The following SULF1 variants were observed in gnomAD, a reference collection of about 807,000 sequenced individuals.
The protein encoded by SULF1 is sulfatase 1.
In SULF1, 46 loss-of-function variants were observed where a neutral mutation model predicts 110.5. That is an observed-to-expected ratio of 0.42 (90% confidence interval 0.33 to 0.53). The LOEUF is 0.53. Ranked by LOEUF, SULF1 falls within the 20% of genes least tolerant of loss-of-function variation. The pLI is 0.12. For synonymous variants in SULF1, 371 were observed against 387.1 expected (o/e 0.96, Z 0.49); for missense variants, 941 against 1,094.2 (o/e 0.86, Z 1.98).
intron 2 of SULF1, among the ~76,000 whole-genome samples, chr8:69,499,626 A>T (rs1810649288): frequency 6.6e-6 from 1 of 152,222 alleles, no homozygotes; most frequent in African/African-American, 2.4e-5. Flanking sequence ...ACAAACCTTC[A>T]TACAACACAG....
At chr8:69,589,773 G>T (rs1168917830) in intron 8 of SULF1, among the ~76,000 whole-genome samples, 2 of 152,112 alleles carry the variant, frequency 1.3e-5, no homozygotes, top group African/African-American at 4.8e-5. Context: ...GAGCTGTCGT[G>T]TGCCCACAAT....
chr8:69,468,877 A>C (rs1440651775), intron 1 of SULF1, among the ~76,000 whole-genome samples: 2 of 152,230 alleles, frequency 1.3e-5, no homozygotes, highest in African/African-American at 4.8e-5. Context: ...GCTATTTAGC[A>C]ACAGGTGCCC....
intron 3 of SULF1, among the ~76,000 whole-genome samples, chr8:69,545,811 C>T (rs372865487): frequency 1.3e-5 from 2 of 152,254 alleles, no homozygotes; most frequent in East Asian, 3.9e-4. Flanking sequence ...ATTCTCCTGC[C>T]GCAGTCCACG....
chr8:69,603,138 G>A (rs757550047), intron 10 of SULF1, 54 bp from the exon 11 acceptor site: 196 of 1,608,698 alleles, frequency 1.2e-4, no homozygotes, highest in Non-Finnish European at 1.5e-4. Context: ...GCAGCCCTAA[G>A]TGCCACCTTC....
chr8:69,638,542 C>T lies in SULF1; in HGVS notation c.2325C>T (p.Thr775=). ...CTTGCACGAGTTCTAACAATAACAC[C>T]TACTGGTGTTTGCGTACAGTTAATG... ...FCACTSSNNN[T]YWCLRTVNET... Residue 775 remains threonine, a synonymous_variant, in exon 20 of 23, where the codon ACC becomes ACT. Transcript: ENST00000402687. The T allele has an allele frequency of 6.2e-7, 1 of 1,613,878 alleles. No homozygotes were observed. Among genetic ancestry groups the T allele is most frequent in the Non-Finnish European group, 8.5e-7 (1 of 1,179,974 alleles).
chr8:69,636,516 G>C (rs1043896939), intron 19 of SULF1, among the ~76,000 whole-genome samples: 1 of 151,244 alleles, frequency 6.6e-6, no homozygotes, highest in Admixed American at 6.6e-5. Context: ...CAGCCTGGGC[G>C]ACAGAGCGAT....
At chr8:69,474,276 G>A (rs1407331886) in intron 1 of SULF1, among the ~76,000 whole-genome samples, 1 of 152,178 alleles carries the variant, frequency 6.6e-6, no homozygotes, top group Non-Finnish European at 1.5e-5. Context: ...TACTTTAGAA[G>A]TGTGCACCTC....
intron 3 of SULF1, among the ~76,000 whole-genome samples, chr8:69,557,998 A>G (rs1376394604): frequency 2.6e-5 from 4 of 152,240 alleles, no homozygotes; most frequent in Non-Finnish European, 4.4e-5. Context: ...AAATTAGACC[A>G]GGAAACAGGC....
intron 15 of SULF1, among the ~76,000 whole-genome samples, chr8:69,624,421 A>G (rs1173722765): frequency 6.6e-6 from 1 of 152,256 alleles, no homozygotes; most frequent in Non-Finnish European, 1.5e-5. Flanking sequence ...CTGATCAGCT[A>G]GGAATCCAGC....
In SULF1 at chr8:69,479,296, A is replaced by G. The variant is rs563734916; in HGVS notation, c.-391+12346A>G. On this transcript the variant is annotated intron_variant, in intron 1 of 22. Coordinates refer to the SULF1 transcript ENST00000260128. ...TGTTTTCAAGGACCTGTAAAATAACAGCTAGACCAGATTTTTATGGATAGT... is the reference window on the plus strand; with the variant it reads ...TGTTTTCAAGGACCTGTAAAATAACGGCTAGACCAGATTTTTATGGATAGT... Among the ~76,000 whole-genome samples, 8 of 152,328 alleles carry G rather than the reference A, an allele frequency of 5.3e-5. No individual in the cohort carries two copies. The South Asian group carries it at 1.7e-3, about 32-fold the overall frequency.
intron 5 of SULF1, among the ~76,000 whole-genome samples, chr8:69,566,996 T>A (rs1160173339): frequency 6.6e-6 from 1 of 152,192 alleles, no homozygotes; most frequent in African/African-American, 2.4e-5. Flanking sequence ...AACCCAGACC[T>A]GTATTAGATC....
At chr8:69,501,825 A>G (rs562238100) in intron 2 of SULF1, 49 bp from the exon 3 acceptor site, 11 of 152,340 alleles carry the variant, frequency 7.2e-5, no homozygotes, top group South Asian at 4.1e-4. Context: ...GATGAGAGGA[A>G]TTGCTGATAA....
At chr8:69,641,746 A>AAAAT (rs1403257222) in intron 22 of SULF1, among the ~76,000 whole-genome samples, 1 of 151,974 alleles carries the variant, frequency 6.6e-6, no homozygotes, top group Non-Finnish European at 1.5e-5. Context: ...CCTGTCTCTA[A>AAAAT]AAATAAATAA....
chr8:69,539,840 CAG>C (rs1274869047), intron 3 of SULF1, among the ~76,000 whole-genome samples: 4 of 152,144 alleles, frequency 2.6e-5, no homozygotes, highest in Non-Finnish European at 5.9e-5. Context: ...GTTGGGCAGA[CAG>C]CTGCAGGTTC....
At chr8:69,565,567 C>T (rs188319741) in intron 5 of SULF1, among the ~76,000 whole-genome samples, 27 of 152,118 alleles carry the variant, frequency 1.8e-4, no homozygotes, top group Admixed American at 1.6e-3. Context: ...TCTCTGGATC[C>T]TCTCATCTTT....
In SULF1 at chr8:69,658,462, C is replaced by G. The variant is rs11988316; in HGVS notation, c.2586-43C>G. ...GTTGCTTGTCCAGGTAAGTAGAAAG[C>G]CTTTTCTCCACTAATGATTCACCTT... is the stretch of plus-strand genomic sequence containing the variant. On this transcript the variant is annotated intron_variant, in intron 22 of 22. Transcript: ENST00000402687. 7,566 of 1,467,070 alleles carry G rather than the reference C, an allele frequency of 5.2e-3. 310 individuals carry two copies. The African/African-American group carries it at 0.094, about 18-fold the overall frequency. 90.9% of individuals were successfully genotyped at this position (1,467,070 alleles called of 1,614,324 possible). A position where few individuals can be genotyped will look rare whatever the true frequency, so the allele number is the denominator to read the frequency against.
intron 8 of SULF1, among the ~76,000 whole-genome samples, chr8:69,589,669 T>A (rs1345767564): frequency 8.6e-6 from 1 of 116,002 alleles, no homozygotes. Context: ...ATAACCTGAT[T>A]TTTTTTTTTT....
chr8:69,638,537 A>G lies in SULF1; in HGVS notation c.2320A>G (p.Asn774Asp). 6.2e-7 allele frequency: 1 copy of G among 1,613,570 alleles called. No homozygotes were observed. Among genetic ancestry groups the G allele is most frequent in the Non-Finnish European group, 8.5e-7 (1 of 1,179,940 alleles). The change falls in exon 20 of 23, where the codon AAC becomes GAC. Residue 774 changes from asparagine to aspartate, a missense_variant. By Grantham distance (23) the Asn-to-Asp change is conservative (BLOSUM62 1). Coordinates refer to ENST00000402687, the MANE Select transcript of SULF1 (RefSeq NM_001128205.2). Reference protein sequence around the residue: ...SFCACTSSNNNTYWCLRTVNE... With the variant: ...SFCACTSSNNDTYWCLRTVNE... ...CTGTGCTTGCACGAGTTCTAACAAT[A>G]ACACCTACTGGTGTTTGCGTACAGT...
intron 8 of SULF1, chr8:69,597,463 GA>G: frequency 6.6e-6 from 1 of 152,282 alleles, no homozygotes; most frequent in Non-Finnish European, 1.5e-5. Context: ...AAGAAATTAA[GA>G]AAAATAAGGG....
Sources: gnomAD v4.1 joint callset for allele counts (sites outside exome capture counted in the v4.1 genomes callset) on GRCh38, gnomAD v4.1.1 for gene constraint, MANE v1.5 for transcripts, NCBI Gene and HGNC (gene_info 2026-07-23, HGNC 2026-07-21) for gene names.